ENTHD1: variants seen among roughly 807,000 people sequenced by gnomAD.
The protein encoded by ENTHD1 is ENTH domain containing 1.
A neutral mutation model predicts 39.1 loss-of-function variants in ENTHD1; 23 were observed. The ratio of observed to expected loss-of-function variants is 0.59; its 90% confidence interval spans 0.42 to 0.83. The LOEUF is 0.83. Among genes scored for constraint, ENTHD1 ranks in the 40% least tolerant of loss-of-function variants. ENTHD1 has a pLI of 0.00. For synonymous variants in ENTHD1, 230 were observed against 258.2 expected, an observed-to-expected ratio of 0.89 and a Z score of 1.05; for missense variants, 624 against 705.4, an observed-to-expected ratio of 0.88 and a Z score of 1.31.
At chr22:39,890,140 AAATAAAT>A (rs1164908365) in intron 1 of ENTHD1, among the ~76,000 whole-genome samples, 5 of 150,442 alleles carry the variant, frequency 3.3e-5, no homozygotes, top group South Asian at 2.1e-4. Context: ...ATAAATAAAT[AAATAAAT>A]AAAAAAGAAA....
At chr22:39,791,717 C>A (rs1601596763) in intron 5 of ENTHD1, among the ~76,000 whole-genome samples, 1 of 152,114 alleles carries the variant, frequency 6.6e-6, no homozygotes, top group Non-Finnish European at 1.5e-5. Flanking sequence ...AATTAAATCA[C>A]AATTATATAT....
In ENTHD1 at chr22:39,744,250, GA is replaced by G; in HGVS notation, c.1252del (p.Ser418LeufsTer10). The G allele has an allele frequency of 6.2e-7, 1 of 1,605,440 alleles. No homozygotes were observed. Among genetic ancestry groups the G allele is most frequent in the African/African-American group, 1.3e-5 (1 of 74,516 alleles). Reference sequence around the variant, plus strand: ...ATCAGGAGATGACATGGATAAAGGAGAAAAGGAAGATGCTCCCTCAGAAGCA... The same window carrying G: ...ATCAGGAGATGACATGGATAAAGGAGAAAGGAAGATGCTCCCTCAGAAGCA... ...STASEGASSF[S>X]PLSMSSPDLA... On this transcript the variant is annotated frameshift_variant, in exon 7 of 7. Coordinates refer to ENST00000325157, the MANE Select transcript of ENTHD1 (RefSeq NM_152512.4). LOFTEE classifies it low-confidence loss of function (END_TRUNC).
intron 3 of ENTHD1, among the ~76,000 whole-genome samples, chr22:39,857,165 G>A (rs1479772779): frequency 4.6e-5 from 7 of 152,052 alleles, no homozygotes; most frequent in Admixed American, 3.9e-4. Flanking sequence ...CTGTGGGGCT[G>A]GGCGCAGTGG....
chr22:39,806,161 A>G (rs2146624433), intron 5 of ENTHD1, among the ~76,000 whole-genome samples: 1 of 152,350 alleles, frequency 6.6e-6, no homozygotes, highest in African/African-American at 2.4e-5. Context: ...ATCAGACTTG[A>G]AGTGGTATGA....
Position 39,743,145 on chromosome 22 carries a change from T to C in ENTHD1, c.*534A>G, listed in dbSNP as rs553728921. On this transcript the variant is annotated 3_prime_UTR_variant, in exon 7 of 7. Coordinates refer to ENST00000325157, the MANE Select transcript of ENTHD1 (RefSeq NM_152512.4). ...TAAAAACATTTGCCCCATGTCCTTC[T>C]TGTTTCCATTTAACTCCTAACACTA... The C allele has an allele frequency of 6.6e-6, 1 of 152,404 alleles. No individual in the cohort carries two copies. The highest frequency in any genetic ancestry group is 2.4e-5 in the African/African-American group (1 of 41,582). The allele number at this position is 152,404 out of a possible 1,614,324, so 9.4% of individuals were successfully genotyped here.
At chr22:39,859,543 A>G (rs564283529) in intron 3 of ENTHD1, among the ~76,000 whole-genome samples, 3 of 152,168 alleles carry the variant, frequency 2.0e-5, no homozygotes, top group Non-Finnish European at 4.4e-5. Context: ...CTTAATTTCA[A>G]TATTGTTGAC....
intron 5 of ENTHD1, among the ~76,000 whole-genome samples, chr22:39,785,002 A>G (rs1015222150): frequency 1.3e-5 from 2 of 152,174 alleles, no homozygotes; most frequent in African/African-American, 4.8e-5. Flanking sequence ...GATTTTTACA[A>G]ATTATATAAA....
intron 6 of ENTHD1, among the ~76,000 whole-genome samples, chr22:39,764,605 A>G (rs1163224439): frequency 1.3e-5 from 2 of 152,024 alleles, no homozygotes; most frequent in Non-Finnish European, 2.9e-5. Flanking sequence ...TTTAAAGTAG[A>G]AAGCATAATT....
At chr22:39,870,461 A>G (rs1311415207) in intron 2 of ENTHD1, among the ~76,000 whole-genome samples, 1 of 152,228 alleles carries the variant, frequency 6.6e-6, no homozygotes, top group Non-Finnish European at 1.5e-5. Flanking sequence ...ATAGAAAAAA[A>G]GCAATATTCA....
Position 39,801,525 on chromosome 22 carries a change from G to T in ENTHD1, c.832+19468C>A, listed in dbSNP as rs150436223. Among the ~76,000 whole-genome samples, 343 of 152,296 alleles carry T rather than the reference G, an allele frequency of 2.3e-3. 3 individuals are homozygous for T. The highest frequency in any genetic ancestry group is 7.8e-3 in the African/African-American group (325 of 41,578). ...TACAAAATATTTAGAAAGGAAAAAAGAACATTTGCATGAGCGTAATCAACC... is the reference window on the plus strand; with the variant it reads ...TACAAAATATTTAGAAAGGAAAAAATAACATTTGCATGAGCGTAATCAACC... On this transcript the variant is annotated intron_variant, in intron 5 of 6. Coordinates refer to ENST00000325157, the MANE Select transcript of ENTHD1 (RefSeq NM_152512.4).
At chr22:39,844,137 T>C (rs2065968820) in intron 3 of ENTHD1, among the ~76,000 whole-genome samples, 1 of 152,144 alleles carries the variant, frequency 6.6e-6, no homozygotes, top group African/African-American at 2.4e-5. Flanking sequence ...GTACAATTAC[T>C]GTACATCTTT....
At chr22:39,814,529 C>T (rs973497284) in intron 5 of ENTHD1, among the ~76,000 whole-genome samples, 6 of 152,014 alleles carry the variant, frequency 3.9e-5, no homozygotes, top group South Asian at 2.1e-4. Context: ...ACAAAGGTGG[C>T]GTGATTAAAA....
At chr22:39,856,591 T>C (rs2066089994) in intron 3 of ENTHD1, among the ~76,000 whole-genome samples, 1 of 152,220 alleles carries the variant, frequency 6.6e-6, no homozygotes, top group South Asian at 2.1e-4. Flanking sequence ...TTACTATAGA[T>C]ATACAATAAT....
chr22:39,780,766 G>A (rs573410853), intron 5 of ENTHD1, among the ~76,000 whole-genome samples: 1 of 152,230 alleles, frequency 6.6e-6, no homozygotes, highest in African/African-American at 2.4e-5. Context: ...TGGGAGGCCA[G>A]GGCAGGCACA....
chr22:39,765,779 AC>A (rs1243446943), intron 5 of ENTHD1, among the ~76,000 whole-genome samples, 170 bp from the exon 6 acceptor site: 1 of 151,934 alleles, frequency 6.6e-6, no homozygotes, highest in African/African-American at 2.4e-5. Context: ...TTTAAAGTAC[AC>A]CCAAGCTATA....
At chr22:39,851,367 C>T (rs532129604) in intron 3 of ENTHD1, among the ~76,000 whole-genome samples, 3 of 152,290 alleles carry the variant, frequency 2.0e-5, no homozygotes, top group Non-Finnish European at 4.4e-5. Flanking sequence ...TTCATCCATT[C>T]AGTCCTAATA....
intron 6 of ENTHD1, among the ~76,000 whole-genome samples, chr22:39,748,417 ATTTTC>A (rs1443532034): frequency 6.6e-6 from 1 of 150,616 alleles, no homozygotes; most frequent in East Asian, 1.9e-4. Flanking sequence ...TATTAATATC[ATTTTC>A]TTTTCTTTTT....
intron 4 of ENTHD1, among the ~76,000 whole-genome samples, chr22:39,822,944 A>C (rs957644006): frequency 1.3e-5 from 2 of 152,190 alleles, no homozygotes; most frequent in African/African-American, 4.8e-5. Context: ...ACAATATCAT[A>C]CTCAGGATAT....
In ENTHD1 at chr22:39,821,030, C is replaced by T; in HGVS notation, c.795G>A (p.Leu265=). The T allele has an allele frequency of 1.2e-6, 2 of 1,614,036 alleles. No individual in the cohort carries two copies. Among genetic ancestry groups the T allele is most frequent in the Admixed American group, 3.3e-5 (2 of 60,030 alleles). ...PPSIVSPITC[L]SEAEEVCNLS... is the part of the protein sequence containing the mutation. ...GATTACAAACTTCTTCTGCTTCTGA[C>T]AAGCAAGTGATTGGAGAGACAATGG... The change falls in exon 5 of 7, where the codon TTG becomes TTA. Residue 265 remains leucine (L), a synonymous_variant. Coordinates refer to ENST00000325157, the MANE Select transcript of ENTHD1 (RefSeq NM_152512.4).
Sources: allele counts gnomAD v4.1 joint callset (sites outside exome capture counted in the v4.1 genomes callset), GRCh38; gene constraint gnomAD v4.1.1; transcripts MANE v1.5; gene names NCBI Gene and HGNC (gene_info 2026-07-23, HGNC 2026-07-21).